Variants in FRYL observed in about 807,000 individuals in gnomAD.
FRYL encodes the protein FRY like transcription coactivator.
FRYL carries 150 observed loss-of-function variants against 351.2 expected under a neutral mutation model. That is an observed-to-expected ratio of 0.43 (90% CI 0.37 to 0.49). The LOEUF (loss-of-function observed/expected upper bound fraction) is 0.49, where lower values mean the gene tolerates loss of function less well. FRYL is among the 20% of genes least tolerant of loss of function. The pLI is 0.00. For synonymous variants in FRYL, 1,153 were observed against 1,257.1 expected (o/e 0.92, Z 1.75); for missense variants, 3,036 against 3,619.3 (o/e 0.84, Z 4.13).
intron 3 of FRYL, among the ~76,000 whole-genome samples, chr4:48,657,107 T>C (rs189485099): frequency 6.6e-6 from 1 of 152,304 alleles, no homozygotes; most frequent in Non-Finnish European, 1.5e-5. Context: ...ACCAAACCTT[T>C]TAGATGATGA....
chr4:48,633,877 A>C (rs1221405136), intron 4 of FRYL, among the ~76,000 whole-genome samples: 1 of 110,590 alleles, frequency 9.0e-6, no homozygotes, highest in Non-Finnish European at 1.9e-5. Flanking sequence ...TTAGAAACTG[A>C]CCCATGTGTT....
At chr4:48,766,786 C>G (rs370186979) in intron 1 of FRYL, among the ~76,000 whole-genome samples, 8 of 152,050 alleles carry the variant, frequency 5.3e-5, no homozygotes, top group South Asian at 2.1e-4. Context: ...TCAAGTAGTG[C>G]AAAGGCTTAA....
At chr4:48,505,361 G>T in intron 60 of FRYL, 186 bp downstream of exon 60, 31 of 605,060 alleles carry the variant, frequency 5.1e-5, no homozygotes, top group East Asian at 6.3e-5. Flanking sequence ...TTTTATTAAA[G>T]TGAATTTTTC....
chr4:48,740,101 A>G (rs1301459087), intron 1 of FRYL, among the ~76,000 whole-genome samples: 1 of 152,108 alleles, frequency 6.6e-6, no homozygotes, highest in Non-Finnish European at 1.5e-5. Flanking sequence ...GTTAGAAGCA[A>G]TAAAAAACAG....
At chr4:48,641,596 T>G (rs1755335389) in intron 3 of FRYL, among the ~76,000 whole-genome samples, 1 of 152,054 alleles carries the variant, frequency 6.6e-6, no homozygotes, top group African/African-American at 2.4e-5. Context: ...AGAACATCAC[T>G]CCTAATTATA....
chr4:48,750,914 C>T (rs1391844327), intron 1 of FRYL, among the ~76,000 whole-genome samples: 1 of 152,134 alleles, frequency 6.6e-6, no homozygotes, highest in African/African-American at 2.4e-5. Flanking sequence ...AACCAGACTC[C>T]CAGCAGACTT....
intron 61 of FRYL, among the ~76,000 whole-genome samples, chr4:48,502,355 A>G (rs1469575584): frequency 6.6e-6 from 1 of 152,150 alleles, no homozygotes; most frequent in African/African-American, 2.4e-5. Context: ...AGCCTGGCCA[A>G]TGTGGTGAAA....
Position 48,499,691 on chromosome 4 carries a change from A to C in FRYL, c.8784-11T>G. ...CTGGGCCAGAGAGATCTGAAAATAC[A>C]CAATAGTTTTTCAGTTCTGAGACTT... is the stretch of plus-strand genomic sequence containing the variant. On this transcript the variant is annotated splice_polypyrimidine_tract_variant and intron_variant, in intron 63 of 63. Transcript: ENST00000358350. 1 of 1,610,878 alleles carries C rather than the reference A, an allele frequency of 6.2e-7. No homozygotes were observed. Among genetic ancestry groups the C allele is most frequent in the Non-Finnish European group, 8.5e-7 (1 of 1,178,066 alleles).
chr4:48,610,649 G>A (rs1051110621), intron 7 of FRYL, among the ~76,000 whole-genome samples: 2 of 143,264 alleles, frequency 1.4e-5, no homozygotes, highest in African/African-American at 5.1e-5. Flanking sequence ...TAGTATATAT[G>A]TATATATTGT....
At chr4:48,575,283 C>G in intron 24 of FRYL, 42 bp from the exon 25 acceptor site, 1 of 1,592,704 alleles carries the variant, frequency 6.3e-7, no homozygotes, top group Non-Finnish European at 8.6e-7. Flanking sequence ...ACTAATGATA[C>G]TATGTCCAAT....
chr4:48,546,025 T>G, intron 42 of FRYL, 42 bp downstream of exon 42: 1 of 1,547,440 alleles, frequency 6.5e-7, no homozygotes, highest in Non-Finnish European at 8.9e-7. Context: ...AAGAATGACT[T>G]AACACATACA....
At chr4:48,739,709 G>C (rs972028714) in intron 1 of FRYL, among the ~76,000 whole-genome samples, 2 of 152,150 alleles carry the variant, frequency 1.3e-5, no homozygotes, top group African/African-American at 4.8e-5. Context: ...TGATAAGCTG[G>C]TATCACGGTT....
rs1481803576 is a variant in FRYL, at chr4:48,579,024, C to G, written c.2477G>C (p.Trp826Ser). ...CTGAAGTCTTGTGTATGCAAACATC[C>G]AAGCATAGCTCACAGCTGTAGAGCA... ...KHCSTAVSYA[W>S]MFAYTRLQLL... Residue 826 changes from tryptophan (W) to serine (S), a missense_variant, in exon 23 of 64, where the codon TGG becomes TCG. By Grantham distance (177) the Trp-to-Ser change is radical (BLOSUM62 -3). Transcript: ENST00000358350. 6.2e-7 allele frequency: 1 copy of G among 1,613,676 alleles called. No individual in the cohort carries two copies.
intron 7 of FRYL, among the ~76,000 whole-genome samples, chr4:48,611,141 C>T (rs1253014484): frequency 2.0e-5 from 3 of 151,898 alleles, no homozygotes; most frequent in African/African-American, 7.3e-5. Flanking sequence ...TGCAGATGCT[C>T]AAGTTCCTGA....
At chr4:48,746,492 C>T (rs906741429) in intron 1 of FRYL, among the ~76,000 whole-genome samples, 3 of 151,314 alleles carry the variant, frequency 2.0e-5, no homozygotes, top group African/African-American at 7.3e-5. Context: ...TTGCAGTGAG[C>T]CGAGATCACA....
chr4:48,758,275 C>T (rs534706564), intron 1 of FRYL, among the ~76,000 whole-genome samples: 12 of 152,260 alleles, frequency 7.9e-5, no homozygotes, highest in South Asian at 6.2e-4. Flanking sequence ...AAAGAAACTA[C>T]CATCAGAGTG....
chr4:48,575,360 T>C (rs1304436495), intron 24 of FRYL, 119 bp from the exon 25 acceptor site: 1 of 1,053,798 alleles, frequency 9.5e-7, no homozygotes, highest in Non-Finnish European at 1.4e-6. Flanking sequence ...TTACTATGAA[T>C]GATACCTCAA....
intron 1 of FRYL, among the ~76,000 whole-genome samples, chr4:48,727,068 A>AG (rs972675847): frequency 2.0e-5 from 3 of 152,188 alleles, no homozygotes; most frequent in African/African-American, 7.2e-5. Flanking sequence ...ACAGAAATAA[A>AG]GGTTTTTTTA....
chr4:48,764,366 C>CA (rs34737343), intron 1 of FRYL, among the ~76,000 whole-genome samples: 1 of 151,094 alleles, frequency 6.6e-6, no homozygotes, highest in Admixed American at 6.6e-5. Flanking sequence ...CTTGTCTCTA[C>CA]AAAAAAATCA....
Sources: gnomAD v4.1 joint callset for allele counts (sites outside exome capture counted in the v4.1 genomes callset) on GRCh38, gnomAD v4.1.1 for gene constraint, MANE v1.5 for transcripts, NCBI Gene and HGNC (gene_info 2026-07-23, HGNC 2026-07-21) for gene names.